Variants in IZUMO1 observed in about 807,000 individuals in gnomAD.
IZUMO1 encodes izumo sperm-oocyte fusion 1, also known as izumo sperm-egg fusion protein 1.
Under a neutral mutation model 40.7 loss-of-function variants are expected in IZUMO1, and 44 were observed. The ratio of observed to expected loss-of-function variants is 1.08; its 90% CI spans 0.85 to 1.39. The LOEUF (loss-of-function observed/expected upper bound fraction) is 1.39, where lower values mean the gene tolerates loss of function less well. Ranked by LOEUF, IZUMO1 falls within the 40% of genes most tolerant of loss-of-function variation. The pLI is 0.00. For missense variants in IZUMO1, 368 were observed against 436.9 expected (o/e 0.84, Z 1.41); for synonymous variants, 149 against 170.9 (o/e 0.87, Z 1.00).
At position 48,745,780 on chromosome 19, in the gene IZUMO1, G is replaced by A. The variant is rs946544902; in HGVS notation, c.80C>T (p.Pro27Leu). The change falls in exon 2 of 10, where the codon CCG becomes CTG. Residue 27 changes from proline (P) to leucine (L), a missense_variant. By Grantham distance (98) the Pro-to-Leu change is moderately conservative. Transcript: ENST00000332955. ...GGACTTTAGCGCCAGCACGACAGAC[G>A]GGTCACATATAACACACCCCTCGGC... is the stretch of plus-strand genomic sequence containing the variant. ...LPAEGCVICD[P>L]SVVLALKSLE... The A allele has an allele frequency of 6.2e-7, 1 of 1,614,184 alleles. No homozygotes were observed. Among genetic ancestry groups the A allele is most frequent in the South Asian group, 1.1e-5 (1 of 91,080 alleles).
At position 48,741,201 on chromosome 19, in the gene IZUMO1, C is replaced by T. The variant is rs1288393938; in HGVS notation, c.932+100G>A. The T allele has an allele frequency of 2.1e-6, 3 of 1,447,660 alleles. No individual in the cohort carries two copies. Among genetic ancestry groups the T allele is most frequent in the Non-Finnish European group, 2.8e-6 (3 of 1,085,368 alleles). The allele number at this position is 1,447,660 out of a possible 1,614,324, so 89.7% of individuals were successfully genotyped here. A position where few individuals can be genotyped will look rare whatever the true frequency, so the allele number is the denominator to read the frequency against. On this transcript the variant is annotated intron_variant, in intron 9 of 9. Transcript: ENST00000332955. This position sits in a 1 kb window ranked among gnomAD's most constrained non-coding sequence, Gnocchi z 4.4. The stretch of plus-strand genomic sequence containing the variant: ...ACTCCATCCCCAGGAAAGTCCTGCT[C>T]TCAGGCCTCAGTAGCCCCCAGACCA...
chr19:48,744,542 G>A lies in IZUMO1; in HGVS notation c.311-3C>T, dbSNP rs1385221904. The A allele has an allele frequency of 6.2e-7, 1 of 1,609,558 alleles. No homozygotes were observed. Among genetic ancestry groups the A allele is most frequent in the Non-Finnish European group, 8.5e-7 (1 of 1,175,940 alleles). ...TAGCTCCTTCACGAAGAGATCGCCT[G>A]GGAAGACACAGGAACCCCCAATCCC... On this transcript the variant is annotated splice_polypyrimidine_tract_variant and splice_region_variant and intron_variant, in intron 3 of 9. Transcript: ENST00000332955.
chr19:48,745,177 G>T, intron 3 of IZUMO1, 37 bp downstream of exon 3: 1 of 1,556,698 alleles, frequency 6.4e-7, no homozygotes, highest in Non-Finnish European at 8.9e-7. Context: ...TGGCTTCTCT[G>T]AGAGATTCGG....
chr19:48,742,110 C>T lies in IZUMO1; in HGVS notation c.600+99G>A, dbSNP rs1599756541. Reference sequence around the variant, plus strand: ...GTAGAGACCACACCTAATAGACCACCCTCCTGGGTCATGAGAATCGTGGGT... The same window carrying T: ...GTAGAGACCACACCTAATAGACCACTCTCCTGGGTCATGAGAATCGTGGGT... On this transcript the variant is annotated intron_variant, in intron 7 of 9. Coordinates refer to ENST00000332955, the MANE Select transcript of IZUMO1 (RefSeq NM_182575.3). 5.4e-6 allele frequency: 8 copies of T among 1,474,440 alleles called. No homozygotes were observed. The East Asian group carries it at 1.1e-4, about 21-fold the overall frequency. 91.3% of individuals were successfully genotyped at this position (1,474,440 alleles called of 1,614,324 possible). A position where few individuals can be genotyped will look rare whatever the true frequency, so the allele number is the denominator to read the frequency against.
At position 48,740,998 on chromosome 19, in the gene IZUMO1, G is replaced by T. The variant is rs2033666904; in HGVS notation, c.963C>A (p.Phe321Leu). Reference sequence around the variant, plus strand: ...CAAGGCCAAACAGTGAGGATTTGATGAAATCGATCACCTTCCTTCGACGAA... The same window carrying T: ...CAAGGCCAAACAGTGAGGATTTGATTAAATCGATCACCTTCCTTCGACGAA... ...AIFRRRKVIDFIKSSLFGLGS... is the reference protein window; with the variant it reads ...AIFRRRKVIDLIKSSLFGLGS... The change falls in exon 10 of 10, where the codon TTC becomes TTA. Residue 321 changes from phenylalanine to leucine, a missense_variant. Phe to Leu is a conservative substitution (Grantham distance 22). Coordinates refer to ENST00000332955, the MANE Select transcript of IZUMO1 (RefSeq NM_182575.3). The surrounding 1 kb of genome is among the most constrained non-coding windows in gnomAD (Gnocchi z 5.5). 2 of 1,614,140 alleles carry T rather than the reference G, an allele frequency of 1.2e-6. No homozygotes were observed. The highest frequency in any genetic ancestry group is 1.7e-6 in the Non-Finnish European group (2 of 1,180,020).
rs2033673834 is a variant in IZUMO1 at position 48,741,141 on chromosome 19, T to C, written c.933-113A>G. On this transcript the variant is annotated intron_variant, in intron 9 of 9. Coordinates refer to ENST00000332955, the MANE Select transcript of IZUMO1 (RefSeq NM_182575.3). This position sits in a 1 kb window ranked among gnomAD's most constrained non-coding sequence, Gnocchi z 4.4. ...CCTTATTCTAGCAATTACCTAAGCC[T>C]CGCCCTTCGAAGTCCTCCTATTCAA... is the stretch of plus-strand genomic sequence containing the variant. 18 of 1,520,846 alleles carry C rather than the reference T, an allele frequency of 1.2e-5. No individual in the cohort carries two copies. The South Asian group carries it at 2.2e-4, about 18-fold the overall frequency. The allele number at this position is 1,520,846 out of a possible 1,614,324, so 94.2% of individuals were successfully genotyped here. A position where few individuals can be genotyped will look rare whatever the true frequency, so the allele number is the denominator to read the frequency against.
rs149174447 is a variant in IZUMO1, at chr19:48,741,379, G to A, written c.854C>T (p.Pro285Leu). The A allele has an allele frequency of 2.4e-5, 38 of 1,613,172 alleles. No individual in the cohort carries two copies. The highest frequency in any genetic ancestry group is 3.1e-5 in the Non-Finnish European group (37 of 1,179,918). Reference sequence around the variant, plus strand: ...AAGGCGGCTTGCCAGCATTTTCTCGGGCTGCAGAGGCTGGAGGCTTATGGA... The same window carrying A: ...AAGGCGGCTTGCCAGCATTTTCTCGAGCTGCAGAGGCTGGAGGCTTATGGA... ...ESSISLQPLQ[P>L]EKMLASRLLG... Residue 285 changes from proline to leucine, a missense_variant, in exon 9 of 10, where the codon CCC (proline) becomes CTC (leucine). Pro to Leu is a moderately conservative substitution (Grantham distance 98, BLOSUM62 -3). Coordinates refer to ENST00000332955, the MANE Select transcript of IZUMO1 (RefSeq NM_182575.3). The surrounding 1 kb of genome is among the most constrained non-coding windows in gnomAD (Gnocchi z 4.4).
intron 6 of IZUMO1, 77 bp from the exon 7 acceptor site, chr19:48,742,386 C>A: frequency 9.7e-7 from 1 of 1,028,958 alleles, no homozygotes; most frequent in South Asian, 1.3e-5. Flanking sequence ...CTCGCTCTGT[C>A]GCCCAGGCTG....
intron 6 of IZUMO1, 98 bp downstream of exon 6, chr19:48,743,347 A>T: frequency 8.9e-7 from 1 of 1,123,762 alleles, no homozygotes; most frequent in Non-Finnish European, 1.3e-6. Flanking sequence ...TTTCTTGTCT[A>T]CTGCCCCCAC....
rs1265275637 is a variant in IZUMO1, at chr19:48,741,298, T to TA, written c.932+2dup. On this transcript the variant is annotated splice_region_variant and intron_variant, in intron 9 of 9. Transcript: ENST00000332955. This position sits in a 1 kb window ranked among gnomAD's most constrained non-coding sequence, Gnocchi z 4.4. ...AGCCTGTCTTCTTCAATGGGTTGCT[T>TA]ACGCAAAGGTAAGGCCGGTTATCAG... The TA allele has an allele frequency of 2.6e-5, 41 of 1,585,244 alleles. No homozygotes were observed. The highest frequency in any genetic ancestry group is 2.8e-5 in the Non-Finnish European group (33 of 1,166,170).
intron 1 of IZUMO1, 100 bp from the exon 2 acceptor site, chr19:48,746,032 A>T: frequency 6.9e-7 from 1 of 1,441,036 alleles, no homozygotes. Flanking sequence ...GGAAATCTCC[A>T]AATAAAGAGG....
chr19:48,745,331 C>T (rs1262827253), intron 2 of IZUMO1, 43 bp from the exon 3 acceptor site: 2 of 1,543,220 alleles, frequency 1.3e-6, no homozygotes, highest in Non-Finnish European at 1.8e-6. Flanking sequence ...CTTACTGTCT[C>T]ATTGGCGCGC....
Position 48,741,070 on chromosome 19 carries a change from G to T in IZUMO1, c.933-42C>A, listed in dbSNP as rs1160186112. 6.2e-7 allele frequency: 1 copy of T among 1,610,512 alleles called. No individual in the cohort carries two copies. The highest frequency in any genetic ancestry group is 8.5e-7 in the Non-Finnish European group (1 of 1,178,314). On this transcript the variant is annotated intron_variant, in intron 9 of 9. Coordinates refer to ENST00000332955, the MANE Select transcript of IZUMO1 (RefSeq NM_182575.3). The surrounding 1 kb of genome is among the most constrained non-coding windows in gnomAD (Gnocchi z 4.4). ...GGTGCAGATCATGGAACCGGTTTGG[G>T]TACTAATTGTGTGGGGGACACCCCT...
At chr19:48,744,079 A>C in intron 5 of IZUMO1, 96 bp downstream of exon 5, 1 of 1,100,146 alleles carries the variant, frequency 9.1e-7, no homozygotes, top group Non-Finnish European at 1.4e-6. Flanking sequence ...TCTCCAAGGC[A>C]GAGAATGACA....
chr19:48,743,373 C>T, intron 6 of IZUMO1, 72 bp downstream of exon 6: 1 of 1,448,164 alleles, frequency 6.9e-7, no homozygotes, highest in Non-Finnish European at 9.6e-7. Flanking sequence ...CATCTAGGCT[C>T]TCTCTAGACT....
chr19:48,743,669 G>A, intron 5 of IZUMO1, 144 bp from the exon 6 acceptor site: 1 of 670,214 alleles, frequency 1.5e-6, no homozygotes. Flanking sequence ...CAGGTAAGTA[G>A]TAAGTGGGCT....
At chr19:48,745,566 C>G in intron 2 of IZUMO1, 59 bp downstream of exon 2, 2 of 1,600,572 alleles carry the variant, frequency 1.2e-6, no homozygotes, top group Non-Finnish European at 1.7e-6. Flanking sequence ...CTTCCTTCCC[C>G]TGGTCTTATC....
At position 48,742,391 on chromosome 19, in the gene IZUMO1, A is replaced by T. The variant is rs1479275471; in HGVS notation, c.500-82T>A. Reference sequence around the variant, plus strand: ...GAGATGGAGACTCGCTCTGTCGCCCAGGCTGGAATGCATTGGCGCGATCTC... The same window carrying T: ...GAGATGGAGACTCGCTCTGTCGCCCTGGCTGGAATGCATTGGCGCGATCTC... On this transcript the variant is annotated intron_variant, in intron 6 of 9. Coordinates refer to ENST00000332955, the MANE Select transcript of IZUMO1 (RefSeq NM_182575.3). The T allele has an allele frequency of 5.1e-6, 5 of 971,950 alleles. No homozygotes were observed. The Admixed American group carries it at 5.1e-5, about 10-fold the overall frequency. The allele number at this position is 971,950 out of a possible 1,614,324, so 60.2% of individuals were successfully genotyped here.
chr19:48,743,334 CCTTTT>C, intron 6 of IZUMO1, 106 bp downstream of exon 6: 2 of 991,684 alleles, frequency 2.0e-6, no homozygotes, highest in Non-Finnish European at 3.1e-6. Flanking sequence ...CTAAACCCTA[CCTTTT>C]CTTGTCTACT....
Sources: gnomAD v4.1 joint callset for allele counts on GRCh38, gnomAD v4.1.1 for gene constraint, Gnocchi (gnomAD v3.1) non-coding constraint, MANE v1.5 for transcripts, NCBI Gene and HGNC (gene_info 2026-07-23, HGNC 2026-07-21) for gene names.